PXDNL: variants seen among roughly 807,000 people sequenced by gnomAD.
The protein encoded by PXDNL is peroxidasin like.
A neutral mutation model predicts 150.8 loss-of-function variants in PXDNL; 145 were observed. The observed-to-expected ratio is 0.96, with a 90% confidence interval of 0.84 to 1.10. PXDNL has a LOEUF of 1.10. Ranked by LOEUF, PXDNL falls within the 50% of genes least tolerant of loss-of-function variation. PXDNL has a pLI of 0.00. For synonymous variants in PXDNL, 757 were observed against 725.7 expected, an observed-to-expected ratio of 1.04 and a Z score of -0.69; for missense variants, 2,087 against 1,873.9, an observed-to-expected ratio of 1.11 and a Z score of -2.10.
At chr8:51,727,870 G>T (rs967048156) in intron 1 of PXDNL, among the ~76,000 whole-genome samples, 1 of 152,126 alleles carries the variant, frequency 6.6e-6, no homozygotes, top group African/African-American at 2.4e-5. Context: ...GGTTTTGACT[G>T]CTCCCAAGTT....
chr8:51,345,975 C>A, intron 19 of PXDNL, 28 bp from the exon 20 acceptor site: 1 of 1,372,028 alleles, frequency 7.3e-7, no homozygotes, highest in Non-Finnish European at 1.0e-6. Flanking sequence ...ACCACAATAG[C>A]ATCATGTGAG....
chr8:51,766,802 G>C (rs776812980), intron 1 of PXDNL, among the ~76,000 whole-genome samples: 1 of 152,018 alleles, frequency 6.6e-6, no homozygotes, highest in African/African-American at 2.4e-5. Flanking sequence ...GGATCGCTGA[G>C]TTTATCCTAC....
At chr8:51,386,766 A>G (rs1010350714) in intron 17 of PXDNL, among the ~76,000 whole-genome samples, 2 of 151,886 alleles carry the variant, frequency 1.3e-5, no homozygotes, top group Non-Finnish European at 2.9e-5. Flanking sequence ...GTAGTGAGCC[A>G]AGATAGCACC....
chr8:51,581,459 A>C (rs933552524), intron 3 of PXDNL, among the ~76,000 whole-genome samples: 2 of 151,050 alleles, frequency 1.3e-5, no homozygotes, highest in African/African-American at 2.5e-5. Context: ...GCACCACTGC[A>C]CTCCAGCCTA....
At chr8:51,600,121 C>A (rs1056441595) in intron 2 of PXDNL, among the ~76,000 whole-genome samples, 1 of 142,388 alleles carries the variant, frequency 7.0e-6, no homozygotes, top group Non-Finnish European at 1.5e-5. Context: ...TAAATTATAT[C>A]GTTTAGATAA....
intron 17 of PXDNL, among the ~76,000 whole-genome samples, chr8:51,399,535 CA>C (rs1308914019): frequency 6.6e-6 from 1 of 152,080 alleles, no homozygotes; most frequent in Non-Finnish European, 1.5e-5. Flanking sequence ...AATGAATGTA[CA>C]GTGAGAGGAA....
At chr8:51,344,412 A>T (rs2130696613) in intron 20 of PXDNL, among the ~76,000 whole-genome samples, 1 of 152,178 alleles carries the variant, frequency 6.6e-6, no homozygotes, top group East Asian at 1.9e-4. Context: ...TAGACACATG[A>T]ATTGTACCAT....
At chr8:51,509,611 T>C (rs1024272246) in intron 4 of PXDNL, among the ~76,000 whole-genome samples, 1 of 151,814 alleles carries the variant, frequency 6.6e-6, no homozygotes, top group African/African-American at 2.4e-5. Flanking sequence ...AAGCCTTTGC[T>C]CAAATGCCAC....
At chr8:51,654,571 C>A in intron 2 of PXDNL, 118 bp downstream of exon 2, 1 of 742,850 alleles carries the variant, frequency 1.3e-6, no homozygotes, top group South Asian at 1.6e-5. Flanking sequence ...TATAAGACAT[C>A]TACAAGGTGT....
intron 1 of PXDNL, among the ~76,000 whole-genome samples, chr8:51,665,928 C>T (rs1254579008): frequency 3.3e-5 from 5 of 152,268 alleles, no homozygotes; most frequent in East Asian, 1.9e-4. Context: ...GTCAACTATG[C>T]GATGTTCTTT....
rs1375951637 is a variant in PXDNL at position 51,452,639 on chromosome 8, T to G, written c.1249+880A>C. Reference sequence around the variant, plus strand: ...CCAGGCACTGCACTAGGCTGGCCACTTCCCTTTTTCTCTGTTCTGTGTTTC... The same window carrying G: ...CCAGGCACTGCACTAGGCTGGCCACGTCCCTTTTTCTCTGTTCTGTGTTTC... On this transcript the variant is annotated intron_variant, in intron 10 of 22. Coordinates refer to ENST00000356297, the MANE Select transcript of PXDNL (RefSeq NM_144651.5). Among the ~76,000 whole-genome samples, 3 of 152,188 alleles carry G rather than the reference T, an allele frequency of 2.0e-5. No individual in the cohort carries two copies. In the East Asian group the frequency reaches 5.8e-4, roughly 29 times the overall value.
At chr8:51,592,812 G>T in intron 2 of PXDNL, 114 bp from the exon 3 acceptor site, 1 of 629,136 alleles carries the variant, frequency 1.6e-6, no homozygotes. Context: ...TTACTGACAT[G>T]GTTCACTAAA....
intron 19 of PXDNL, among the ~76,000 whole-genome samples, chr8:51,367,073 C>CCTTG (rs1381303194): frequency 1.6e-5 from 2 of 128,494 alleles, no homozygotes; most frequent in East Asian, 4.6e-4. Context: ...TGCACTCCAG[C>CCTTG]CTTGCGACAG....
chr8:51,796,422 A>C (rs2037561167), intron 1 of PXDNL, among the ~76,000 whole-genome samples: 1 of 151,964 alleles, frequency 6.6e-6, no homozygotes, highest in Non-Finnish European at 1.5e-5. Flanking sequence ...AAAATAGACT[A>C]CTAGCTAGAC....
intron 20 of PXDNL, among the ~76,000 whole-genome samples, chr8:51,340,994 C>T (rs1375547997): frequency 3.3e-5 from 5 of 152,226 alleles, no homozygotes; most frequent in South Asian, 2.1e-4. Flanking sequence ...AAAGACCACA[C>T]GTGGGAACAC....
In PXDNL at chr8:51,339,689, A is replaced by G. The variant is rs1488349672; in HGVS notation, c.4081T>C (p.Phe1361Leu). Residue 1361 changes from phenylalanine (F) to leucine (L), a missense_variant, in exon 21 of 23, where the codon TTC becomes CTC. Physicochemically the swap from Phe to Leu is conservative, Grantham distance 22. Transcript: ENST00000356297. ...GCAAACGTGCTGAAATCTTGGGAGA[A>G]CTTTGTTTTTGCCAGAACTGTCACA... is the stretch of plus-strand genomic sequence containing the variant. Reference protein sequence around the residue: ...RNVTVLAKTKFSQDFSTFAAE... With the variant: ...RNVTVLAKTKLSQDFSTFAAE... 1 of 1,613,490 alleles carries G rather than the reference A, an allele frequency of 6.2e-7. No individual in the cohort carries two copies. Among genetic ancestry groups the G allele is most frequent in the African/African-American group, 1.3e-5 (1 of 74,922 alleles).
intron 3 of PXDNL, among the ~76,000 whole-genome samples, chr8:51,562,296 T>C (rs1812734641): frequency 6.6e-6 from 1 of 151,928 alleles, no homozygotes; most frequent in African/African-American, 2.4e-5. Flanking sequence ...ACTTTTTATC[T>C]TAACAACTGG....
At chr8:51,770,456 TCTG>T (rs2037280952) in intron 1 of PXDNL, among the ~76,000 whole-genome samples, 1 of 152,190 alleles carries the variant, frequency 6.6e-6, no homozygotes, top group South Asian at 2.1e-4. Flanking sequence ...TGTCCAAACT[TCTG>T]CTCTGAAGGA....
chr8:51,356,498 A>AT (rs1053608915), intron 19 of PXDNL, among the ~76,000 whole-genome samples: 1 of 12,234 alleles, frequency 8.2e-5, no homozygotes, highest in Non-Finnish European at 2.2e-4. Context: ...AAAAAAGAAT[A>AT]AAAAAAAAAA....
Sources: gnomAD v4.1 joint callset for allele counts (sites outside exome capture counted in the v4.1 genomes callset) on GRCh38, gnomAD v4.1.1 for gene constraint, MANE v1.5 for transcripts, NCBI Gene and HGNC (gene_info 2026-07-23, HGNC 2026-07-21) for gene names.